The following LRRC9 variants were observed in gnomAD, a reference collection of about 807,000 sequenced individuals.
LRRC9 encodes the protein leucine rich repeat containing 9, also known as leucine-rich repeat-containing protein 9.
Under a neutral mutation model 63.2 loss-of-function variants are expected in LRRC9, and 122 were observed. The observed-to-expected ratio is 1.93, with a 90% CI of 1.67 to 2.24. The LOEUF (loss-of-function observed/expected upper bound fraction) is 2.24, where lower values mean the gene tolerates loss of function less well. LRRC9 is among the 30% of genes most tolerant of loss of function. The pLI is 0.00. For missense variants in LRRC9, 1,071 were observed against 627.7 expected, an observed-to-expected ratio of 1.71 and a Z score of -7.55; for synonymous variants, 366 against 213.1, an observed-to-expected ratio of 1.72 and a Z score of -6.25.
rs1889265461 is a variant in LRRC9 at position 59,927,013 on chromosome 14, C to T, written c.-33-898C>T. On this transcript the variant is annotated intron_variant, in intron 1 of 31. Coordinates refer to ENST00000445360, the Ensembl canonical transcript of LRRC9. This position sits in a 1 kb window ranked among gnomAD's most constrained non-coding sequence, Gnocchi z 4.4. ...TTCTTTTCCATTTTTGCCTAGATCT[C>T]TCCCATCCAGCTTTACATTTGTATT... Among the ~76,000 whole-genome samples the T allele has an allele frequency of 6.6e-6, 1 of 152,078 alleles. No homozygotes were observed. Among genetic ancestry groups the T allele is most frequent in the Admixed American group, 6.5e-5 (1 of 15,268 alleles).
intron 30 of LRRC9, 199 bp from the exon 31 acceptor site, chr14:60,057,679 G>A (rs997040350): frequency 8.3e-6 from 3 of 361,184 alleles, no homozygotes; most frequent in Non-Finnish European, 1.5e-5. Context: ...AGAACACAAG[G>A]TTCTGAGGGA....
intron 31 of LRRC9, 103 bp from the exon 33 acceptor site, chr14:60,063,220 T>C (rs1177318343): frequency 1.5e-6 from 1 of 653,448 alleles, no homozygotes; most frequent in Non-Finnish European, 2.7e-6. Context: ...ATTGCGCACA[T>C]CTAAAATACA....
In LRRC9 at chr14:59,964,840, C is replaced by T. The variant is rs779976175; in HGVS notation, c.1212-1749C>T. Reference sequence around the variant, plus strand: ...GTCTCCTCTACCAGACTGCGAGCTCCTCTGGGATTAGTTTGGTTTAGGCAG... The same window carrying T: ...GTCTCCTCTACCAGACTGCGAGCTCTTCTGGGATTAGTTTGGTTTAGGCAG... On this transcript the variant is annotated intron_variant, in intron 10 of 31. Coordinates refer to ENST00000445360, the Ensembl canonical transcript of LRRC9. This position sits in a 1 kb window ranked among gnomAD's most constrained non-coding sequence, Gnocchi z 4.4. 2.0e-4 allele frequency among the ~76,000 whole-genome samples: 30 copies of T among 152,160 alleles called. No individual in the cohort carries two copies. The highest frequency in any genetic ancestry group is 7.3e-5 in the Non-Finnish European group (5 of 68,030).
intron 12 of LRRC9, 37 bp downstream of exon 12, chr14:59,967,250 C>T (rs1157957702): frequency 1.8e-6 from 1 of 546,686 alleles, no homozygotes; most frequent in Admixed American, 2.4e-5. Flanking sequence ...TGCTTTCTTC[C>T]TAGCAAGTGG....
chr14:60,045,338 G>A (rs1423894523), intron 29 of LRRC9, among the ~76,000 whole-genome samples: 1 of 152,024 alleles, frequency 6.6e-6, no homozygotes, highest in Non-Finnish European at 1.5e-5. Context: ...GTAAACATAT[G>A]CCATGGTAGT....
chr14:59,989,625 A>G (rs1171709858), intron 17 of LRRC9, among the ~76,000 whole-genome samples: 2 of 152,094 alleles, frequency 1.3e-5, no homozygotes, highest in Admixed American at 6.5e-5. Context: ...TAGTCATGAT[A>G]TGTTTCTTGA....
chr14:59,920,908 G>A (rs1434776786), intron 1 of LRRC9, among the ~76,000 whole-genome samples: 1 of 152,126 alleles, frequency 6.6e-6, no homozygotes, highest in Non-Finnish European at 1.5e-5. Context: ...ACCTGTGATA[G>A]GTTCACAGTT....
chr14:60,044,423 G>A (rs1893236257), intron 29 of LRRC9, among the ~76,000 whole-genome samples: 1 of 152,036 alleles, frequency 6.6e-6, no homozygotes, highest in African/African-American at 2.4e-5. Flanking sequence ...TTTTGACATA[G>A]GCATTTATTG....
intron 29 of LRRC9, among the ~76,000 whole-genome samples, chr14:60,038,751 G>C (rs1201515252): frequency 3.3e-5 from 5 of 151,968 alleles, no homozygotes; most frequent in East Asian, 1.9e-4. Flanking sequence ...AACTGAATAC[G>C]CTTTATTTCT....
intron 16 of LRRC9, among the ~76,000 whole-genome samples, chr14:59,983,966 T>G (rs957269423): frequency 6.6e-6 from 1 of 152,180 alleles, no homozygotes; most frequent in East Asian, 1.9e-4. Flanking sequence ...GCTGCACCGT[T>G]ACATCACCAC....
At chr14:59,952,345 G>C (rs1055801603) in intron 8 of LRRC9, among the ~76,000 whole-genome samples, 1 of 152,180 alleles carries the variant, frequency 6.6e-6, no homozygotes, top group African/African-American at 2.4e-5. Context: ...GCAATGCCTC[G>C]CCTTGCTTCG....
At chr14:60,032,561 T>C (rs1481145612) in intron 29 of LRRC9, among the ~76,000 whole-genome samples, 1 of 152,164 alleles carries the variant, frequency 6.6e-6, no homozygotes, top group East Asian at 1.9e-4. Flanking sequence ...TGGGGAGACA[T>C]TTGCAACCTT....
rs149003116 is a variant in LRRC9, at chr14:59,930,520, CTTAAT to C, written c.268-393_268-389del. 0.01 allele frequency among the ~76,000 whole-genome samples: 1,528 copies of C among 151,766 alleles called. 22 individuals are homozygous for C. The highest frequency in any genetic ancestry group is 0.035 in the African/African-American group (1,441 of 41,416). On this transcript the variant is annotated intron_variant, in intron 3 of 31. Transcript: ENST00000445360. This position sits in a 1 kb window ranked among gnomAD's most constrained non-coding sequence, Gnocchi z 4.9. ...TGAAGGATTATGAAAACATTTTAGT[CTTAAT>C]TTAAAGAGTCCCACAAAATTGTGTG...
In LRRC9 at chr14:60,002,018, G is replaced by A. The variant is rs1030546601; in HGVS notation, c.2582G>A (p.Ser861Asn). Residue 861 changes from serine (S) to asparagine (N), a missense_variant, in exon 20 of 32, where the codon AGT (serine) becomes AAT (asparagine). By Grantham distance (46) the Ser-to-Asn change is conservative. Transcript: ENST00000445360. ...AAAGAGGAGAGACCACGGATACTTA[G>A]TATATGGCCTTCTGCCAAAATTCTG... The A allele has an allele frequency of 4.3e-6, 3 of 702,098 alleles. No homozygotes were observed. The East Asian group carries it at 8.1e-5, about 19-fold the overall frequency. 43.5% of individuals were successfully genotyped at this position (702,098 alleles called of 1,614,324 possible). A position where few individuals can be genotyped will look rare whatever the true frequency, so the allele number is the denominator to read the frequency against.
Position 59,942,481 on chromosome 14 carries a change from T to C in LRRC9, c.727-2108T>C, listed in dbSNP as rs1044251162. 2.6e-5 allele frequency among the ~76,000 whole-genome samples: 4 copies of C among 152,166 alleles called. No homozygotes were observed. The highest frequency in any genetic ancestry group is 9.7e-5 in the African/African-American group (4 of 41,436). ...TACTACCAGCGTATGAGAGTTCCGT[T>C]TTCTGGGCCCAGGTGGGCGGATCAC... On this transcript the variant is annotated intron_variant, in intron 7 of 31. Coordinates refer to ENST00000445360, the Ensembl canonical transcript of LRRC9. The surrounding 1 kb of genome is among the most constrained non-coding windows in gnomAD (Gnocchi z 5.3).
At chr14:59,977,177 A>G (rs1458960133) in intron 13 of LRRC9, 48 bp from the exon 14 acceptor site, 3 of 640,548 alleles carry the variant, frequency 4.7e-6, no homozygotes, top group Admixed American at 5.5e-5. Context: ...TTGGAAAATT[A>G]TTAAAGTTAA....
intron 7 of LRRC9, 64 bp from the exon 8 acceptor site, chr14:59,944,525 A>G (rs1156602733): frequency 1.9e-6 from 1 of 522,558 alleles, no homozygotes; most frequent in African/African-American, 2.0e-5. Context: ...TTTATATAAT[A>G]CCACTAACAA....
intron 8 of LRRC9, among the ~76,000 whole-genome samples, chr14:59,953,487 T>G (rs1165197848): frequency 6.6e-6 from 1 of 152,018 alleles, no homozygotes; most frequent in Non-Finnish European, 1.5e-5. Flanking sequence ...GTATCCTTCT[T>G]GTAAATTTGT....
chr14:60,034,520 T>C (rs1323788455), intron 29 of LRRC9, among the ~76,000 whole-genome samples: 1 of 152,176 alleles, frequency 6.6e-6, no homozygotes, highest in East Asian at 1.9e-4. Flanking sequence ...CGTCCCAGAC[T>C]CTGGTAACCA....
Sources: gnomAD v4.1 joint callset for allele counts (sites outside exome capture counted in the v4.1 genomes callset) on GRCh38, gnomAD v4.1.1 for gene constraint, Gnocchi (gnomAD v3.1) non-coding constraint, MANE v1.5 for transcripts, NCBI Gene and HGNC (gene_info 2026-07-23, HGNC 2026-07-21) for gene names.